Variants in PACSIN1 observed in about 807,000 individuals in gnomAD.
PACSIN1 encodes protein kinase C and casein kinase substrate in neurons protein 1.
Under a neutral mutation model 59.5 loss-of-function variants are expected in PACSIN1, and 15 were observed. The observed-to-expected ratio is 0.25, with a 90% CI of 0.17 to 0.39. The LOEUF (loss-of-function observed/expected upper bound fraction) is 0.39. Ranked by LOEUF, PACSIN1 falls within the 10% of genes least tolerant of loss-of-function variation. The pLI is 1.00. For synonymous variants in PACSIN1, 210 were observed against 220.6 expected, an observed-to-expected ratio of 0.95 and a Z score of 0.42; for missense variants, 420 against 580.2, an observed-to-expected ratio of 0.72 and a Z score of 2.84.
rs567400606 is a variant in PACSIN1, at chr6:34,531,981, G to A, written c.1225+194G>A. On this transcript the variant is annotated intron_variant, in intron 9 of 9. Transcript: ENST00000244458. The surrounding 1 kb of genome is among the most constrained non-coding windows in gnomAD (Gnocchi z 4.4). Reference sequence around the variant, plus strand: ...GGCAGGGGTGGTGCCTGAAAGAGAGGCTTGGGCCTGCATTGGGTGTGTGGT... The same window carrying A: ...GGCAGGGGTGGTGCCTGAAAGAGAGACTTGGGCCTGCATTGGGTGTGTGGT... Among the ~76,000 whole-genome samples the A allele has an allele frequency of 1.2e-3, 177 of 152,140 alleles. No individual in the cohort carries two copies. Among genetic ancestry groups the A allele is most frequent in the African/African-American group, 3.9e-3 (162 of 41,502 alleles).
intron 1 of PACSIN1, among the ~76,000 whole-genome samples, chr6:34,493,021 G>A (rs1356416274): frequency 6.6e-6 from 1 of 152,212 alleles, no homozygotes; most frequent in Non-Finnish European, 1.5e-5. Context: ...GAGCTAAGAT[G>A]CCCTTTTAAC....
chr6:34,502,460 C>CT (rs562155609), intron 1 of PACSIN1, among the ~76,000 whole-genome samples: 103 of 58,872 alleles, frequency 1.7e-3, no homozygotes, highest in African/African-American at 3.4e-3. Context: ...AAGAAGCCAT[C>CT]TTTTTTTTTT....
chr6:34,494,964 CCCATTATGGTATTTA>C (rs1361284333), intron 1 of PACSIN1, among the ~76,000 whole-genome samples: 1 of 152,190 alleles, frequency 6.6e-6, no homozygotes, highest in Non-Finnish European at 1.5e-5. Flanking sequence ...CTCTGGTTTT[CCCATTATGGTATTTA>C]CCATTCAAGT....
chr6:34,530,528 G>A lies in PACSIN1; in HGVS notation c.978G>A (p.Val326=), dbSNP rs1245851232. Residue 326 remains valine, a synonymous_variant, in exon 8 of 10, where the codon GTG becomes GTA. Transcript: ENST00000244458. This position sits in a 1 kb window ranked among gnomAD's most constrained non-coding sequence, Gnocchi z 4.4. ...KEKQPKKAEG[V]ALTNATGAVE... is the part of the protein sequence containing the mutation. ...AACAGCCTAAGAAGGCAGAGGGAGT[G>A]GCGCTGACCAATGCCACTGGGGCGG... The A allele has an allele frequency of 1.2e-6, 2 of 1,609,308 alleles. No individual in the cohort carries two copies. The highest frequency in any genetic ancestry group is 1.7e-6 in the Non-Finnish European group (2 of 1,178,104).
Position 34,530,450 on chromosome 6 carries a change from G to C in PACSIN1, c.910-10G>C. The stretch of plus-strand genomic sequence containing the variant: ...GTCCCCCAGCCTGACTGCTCCACTG[G>C]CCCCACCAGGAGTGGAACCCAGACC... On this transcript the variant is annotated splice_polypyrimidine_tract_variant and intron_variant, in intron 7 of 9. Coordinates refer to ENST00000244458, the MANE Select transcript of PACSIN1 (RefSeq NM_020804.5). The surrounding 1 kb of genome is among the most constrained non-coding windows in gnomAD (Gnocchi z 4.4). 1 of 1,597,494 alleles carries C rather than the reference G, an allele frequency of 6.3e-7. No homozygotes were observed. Among genetic ancestry groups the C allele is most frequent in the African/African-American group, 1.3e-5 (1 of 74,540 alleles).
At chr6:34,475,445 T>C (rs1002990645) in intron 1 of PACSIN1, among the ~76,000 whole-genome samples, 1 of 152,208 alleles carries the variant, frequency 6.6e-6, no homozygotes, top group Admixed American at 6.5e-5. Context: ...GGCATGCTCA[T>C]ATTAGAGCGG....
rs6915148 is a variant in PACSIN1, at chr6:34,521,963, T to C, written c.-63-4280T>C. On this transcript the variant is annotated intron_variant, in intron 1 of 9. Transcript: ENST00000244458. This position sits in a 1 kb window ranked among gnomAD's most constrained non-coding sequence, Gnocchi z 4.3. ...TCTGGGATGTAATCCTACTCTGCGC[T>C]GCACAGGCCCCAGGGTCAAGTCCTT... Among the ~76,000 whole-genome samples, 447 of 152,336 alleles carry C rather than the reference T, an allele frequency of 2.9e-3. 3 individuals are homozygous for C. Among genetic ancestry groups the C allele is most frequent in the African/African-American group, 0.01 (417 of 41,572 alleles).
intron 1 of PACSIN1, among the ~76,000 whole-genome samples, chr6:34,486,495 C>A (rs1043763121): frequency 3.9e-5 from 6 of 152,176 alleles, no homozygotes; most frequent in South Asian, 2.1e-4. Context: ...CCTGCCCCTC[C>A]CGCTTCCCAT....
intron 3 of PACSIN1, 34 bp from the exon 4 acceptor site, chr6:34,528,608 A>G (rs774226309): frequency 3.8e-5 from 58 of 1,530,178 alleles, no homozygotes; most frequent in Non-Finnish European, 4.8e-5. Context: ...GGCAGGGGCA[A>G]TGAGGTTCTT....
At chr6:34,523,256 T>C (rs1275723954) in intron 1 of PACSIN1, among the ~76,000 whole-genome samples, 1 of 152,242 alleles carries the variant, frequency 6.6e-6, no homozygotes, top group Non-Finnish European at 1.5e-5. Context: ...CAGCCCTCAC[T>C]GCCTGCTGGC....
rs116750607 is a variant in PACSIN1, at chr6:34,474,948, C to T, written c.-64+8678C>T. On this transcript the variant is annotated intron_variant, in intron 1 of 9. Coordinates refer to ENST00000244458, the MANE Select transcript of PACSIN1 (RefSeq NM_020804.5). ...CACCCTGCCCCAGGGCCTTTGCACTCCTATTCCCTATGCCTGGAATTCTCT... is the reference window on the plus strand; with the variant it reads ...CACCCTGCCCCAGGGCCTTTGCACTTCTATTCCCTATGCCTGGAATTCTCT... Among the ~76,000 whole-genome samples the T allele has an allele frequency of 3.9e-3, 591 of 152,248 alleles. 4 individuals are homozygous for T. Among genetic ancestry groups the T allele is most frequent in the Middle Eastern group, 0.024 (7 of 294 alleles).
intron 1 of PACSIN1, among the ~76,000 whole-genome samples, chr6:34,519,731 T>G (rs989907622): frequency 3.3e-5 from 5 of 152,040 alleles, no homozygotes; most frequent in African/African-American, 1.2e-4. Flanking sequence ...TGCTATCCCA[T>G]GGGGTAGGTG....
chr6:34,504,589 C>T (rs907669070), intron 1 of PACSIN1, among the ~76,000 whole-genome samples: 1 of 152,054 alleles, frequency 6.6e-6, no homozygotes, highest in East Asian at 1.9e-4. Flanking sequence ...CACAACAGGC[C>T]GTAATGTTAT....
intron 1 of PACSIN1, among the ~76,000 whole-genome samples, chr6:34,500,086 T>TAAAA (rs1767002642): frequency 6.6e-6 from 1 of 152,070 alleles, no homozygotes; most frequent in South Asian, 2.1e-4. Context: ...ACAACCCAGT[T>TAAAA]AAAAAACAGG....
rs376241665 is a variant in PACSIN1 at position 34,487,866 on chromosome 6, G to T, written c.-64+21596G>T. Among the ~76,000 whole-genome samples the T allele has an allele frequency of 2.9e-3, 446 of 152,280 alleles. 2 individuals carry two copies. Among genetic ancestry groups the T allele is most frequent in the African/African-American group, 9.6e-3 (399 of 41,554 alleles). ...TCAAAAGTGACCTCACCCTGGGAAGGTGGCAAACCTACAGCATCCACTGCA... is the reference window on the plus strand; with the variant it reads ...TCAAAAGTGACCTCACCCTGGGAAGTTGGCAAACCTACAGCATCCACTGCA... On this transcript the variant is annotated intron_variant, in intron 1 of 9. Transcript: ENST00000244458.
rs749355204 is a variant in PACSIN1 at position 34,531,555 on chromosome 6, C to G, written c.1038-45C>G. On this transcript the variant is annotated intron_variant, in intron 8 of 9. Transcript: ENST00000244458. This position sits in a 1 kb window ranked among gnomAD's most constrained non-coding sequence, Gnocchi z 4.4. Reference sequence around the variant, plus strand: ...GGAGGAGCGGTTAGCCCTCGGGATGCGGTACGGGGAGACATTGAAGCTGGC... The same window carrying G: ...GGAGGAGCGGTTAGCCCTCGGGATGGGGTACGGGGAGACATTGAAGCTGGC... 1 of 1,583,712 alleles carries G rather than the reference C, an allele frequency of 6.3e-7. No individual in the cohort carries two copies. Among genetic ancestry groups the G allele is most frequent in the Non-Finnish European group, 8.6e-7 (1 of 1,157,874 alleles).
At chr6:34,467,801 G>A (rs1766518953) in intron 1 of PACSIN1, among the ~76,000 whole-genome samples, 1 of 152,082 alleles carries the variant, frequency 6.6e-6, no homozygotes, top group Non-Finnish European at 1.5e-5. Context: ...CAGGTGATCT[G>A]CCCACCTTGG....
chr6:34,524,053 C>T (rs1329787180), intron 1 of PACSIN1, among the ~76,000 whole-genome samples: 1 of 152,146 alleles, frequency 6.6e-6, no homozygotes, highest in African/African-American at 2.4e-5. Flanking sequence ...GAGCAGGGAC[C>T]CTGAGGTTGG....
chr6:34,490,226 CTTTTTTTT>C lies in PACSIN1; in HGVS notation c.-64+23970_-64+23977del, dbSNP rs56754772. On this transcript the variant is annotated intron_variant, in intron 1 of 9. Coordinates refer to ENST00000244458, the MANE Select transcript of PACSIN1 (RefSeq NM_020804.5). ...CCACCACACCTGGCTAATTTAAAAA[CTTTTTTTT>C]TTTTTTTTTTTTTGTAGAGACAGGG... 2.9e-4 allele frequency among the ~76,000 whole-genome samples: 30 copies of C among 102,712 alleles called. 1 individual carries two copies. Among genetic ancestry groups the C allele is most frequent in the African/African-American group, 9.4e-4 (23 of 24,384 alleles). The allele number at this position is 102,712 out of a possible 152,430, so 67.4% of individuals were successfully genotyped here. A position where few individuals can be genotyped will look rare whatever the true frequency, so the allele number is the denominator to read the frequency against.
Sources: gnomAD v4.1 joint callset for allele counts (sites outside exome capture counted in the v4.1 genomes callset) on GRCh38, gnomAD v4.1.1 for gene constraint, Gnocchi (gnomAD v3.1) non-coding constraint, MANE v1.5 for transcripts, NCBI Gene and HGNC (gene_info 2026-07-23, HGNC 2026-07-21) for gene names.